Variants in ZSCAN29 observed in about 807,000 individuals in gnomAD.
The protein encoded by ZSCAN29 is zinc finger and SCAN domain-containing protein 29.
A neutral mutation model predicts 71.9 loss-of-function variants in ZSCAN29; 55 were observed. The observed-to-expected ratio is 0.76, with a 90% CI of 0.62 to 0.96. The LOEUF (loss-of-function observed/expected upper bound fraction) is 0.96, where lower values mean the gene tolerates loss of function less well. ZSCAN29 is among the 40% of genes least tolerant of loss of function. The pLI is 0.00. For missense variants in ZSCAN29, 1,042 were observed against 1,042.2 expected (o/e 1.00, Z 0.00); for synonymous variants, 351 against 371.6 (o/e 0.94, Z 0.64).
At chr15:43,362,063 C>A in intron 5 of ZSCAN29, 122 bp from the exon 6 acceptor site, 1 of 911,148 alleles carries the variant, frequency 1.1e-6, no homozygotes, top group East Asian at 2.6e-5. Flanking sequence ...CCCTAGATCC[C>A]AAATAACTAC....
In ZSCAN29 at chr15:43,361,307, A is replaced by G; in HGVS notation, c.2325T>C (p.Ser775=). ...EECGKSFNNS[S]HFSAHRRIHT... The stretch of plus-strand genomic sequence containing the variant: ...GTATCCTCCGATGTGCACTAAAATG[A>G]GAACTGTTATTGAAGCTTTTTCCAC... Residue 775 remains serine, a synonymous_variant, in exon 6 of 6, where the codon TCT becomes TCC. Transcript: ENST00000684362. The G allele has an allele frequency of 6.2e-7, 1 of 1,614,102 alleles. No homozygotes were observed. The highest frequency in any genetic ancestry group is 2.2e-5 in the East Asian group (1 of 44,876).
rs542634391 is a variant in ZSCAN29, at chr15:43,361,826, A to G, written c.1806T>C (p.His602=). ...AGTCACTCTCATTGCCTTTACCCTG[A>G]TGAAGATACCGGGGAATTTTCCTTT... ...RSERKIPRYL[H]QGKGNESDCR... The change falls in exon 6 of 6, where the codon CAT becomes CAC. Residue 602 remains histidine, a synonymous_variant. Transcript: ENST00000684362. The G allele has an allele frequency of 3.0e-5, 49 of 1,614,062 alleles. No individual in the cohort carries two copies. Among genetic ancestry groups the G allele is most frequent in the Non-Finnish European group, 3.8e-5 (45 of 1,180,044 alleles).
chr15:43,359,295 T>C lies in ZSCAN29; in HGVS notation c.*1778A>G, dbSNP rs1269455853. On this transcript the variant is annotated 3_prime_UTR_variant, in exon 6 of 6. Coordinates refer to ENST00000684362, the MANE Select transcript of ZSCAN29 (RefSeq NM_001372080.1). ...GCAACTATGCATGTGCACTTGTTTG[T>C]CCATGTCAGTGTCATCTGCTTTAGA... is the stretch of plus-strand genomic sequence containing the variant. 1.3e-5 allele frequency: 2 copies of C among 152,234 alleles called. No homozygotes were observed. The highest frequency in any genetic ancestry group is 2.4e-5 in the African/African-American group (1 of 41,462). 9.4% of individuals were successfully genotyped at this position (152,234 alleles called of 1,614,324 possible).
rs997717739 is a variant in ZSCAN29, at chr15:43,363,897, A to G, written c.1690+18T>C. On this transcript the variant is annotated intron_variant, in intron 5 of 5. Coordinates refer to ENST00000684362, the MANE Select transcript of ZSCAN29 (RefSeq NM_001372080.1). ...TCTTCCCTTTGTTATTTATACCATA[A>G]TAGTGAAATAATCTTACCACGGGGG... The G allele has an allele frequency of 1.2e-5, 18 of 1,562,360 alleles. No individual in the cohort carries two copies. The highest frequency in any genetic ancestry group is 1.9e-5 in the Admixed American group (1 of 52,504).
Position 43,359,299 on chromosome 15 carries a change from T to A in ZSCAN29, c.*1774A>T, listed in dbSNP as rs1017473680. On this transcript the variant is annotated 3_prime_UTR_variant, in exon 6 of 6. Transcript: ENST00000684362. Reference sequence around the variant, plus strand: ...CTATGCATGTGCACTTGTTTGTCCATGTCAGTGTCATCTGCTTTAGATTGT... The same window carrying A: ...CTATGCATGTGCACTTGTTTGTCCAAGTCAGTGTCATCTGCTTTAGATTGT... 6.6e-6 allele frequency: 1 copy of A among 152,272 alleles called. No homozygotes were observed. Among genetic ancestry groups the A allele is most frequent in the African/African-American group, 2.4e-5 (1 of 41,480 alleles). 9.4% of individuals were successfully genotyped at this position (152,272 alleles called of 1,614,324 possible). A position where few individuals can be genotyped will look rare whatever the true frequency, so the allele number is the denominator to read the frequency against.
Position 43,366,150 on chromosome 15 carries a change from G to A in ZSCAN29, c.1182C>T (p.Asp394=), listed in dbSNP as rs916804801. ...ACACAACAGGTGCAGCTGAGTTGGG[G>A]TCCTGGGGGGTCGCCTCTAGATCCA... is the stretch of plus-strand genomic sequence containing the variant. ...DDMDLEATPQ[D]PNSAAPVVFR... is the part of the protein sequence containing the mutation. Residue 394 remains aspartate (D), a synonymous_variant, in exon 4 of 6, where the codon GAC becomes GAT. Coordinates refer to ENST00000684362, the MANE Select transcript of ZSCAN29 (RefSeq NM_001372080.1). The A allele has an allele frequency of 1.9e-6, 3 of 1,613,970 alleles. No homozygotes were observed. Among genetic ancestry groups the A allele is most frequent in the Non-Finnish European group, 2.5e-6 (3 of 1,179,970 alleles).
Position 43,361,604 on chromosome 15 carries a change from A to G in ZSCAN29, c.2028T>C (p.Asn676=). Residue 676 remains asparagine, a synonymous_variant, in exon 6 of 6, where the codon AAT becomes AAC. Transcript: ENST00000684362. ...LMHQVSHQVE[N]PYKCADCGKS... ...TCCCACAATCAGCACATTTATATGG[A>G]TTTTCCACCTGGTGGGATACCTGAT... 6.2e-7 allele frequency: 1 copy of G among 1,614,164 alleles called. No individual in the cohort carries two copies. Among genetic ancestry groups the G allele is most frequent in the Non-Finnish European group, 8.5e-7 (1 of 1,180,030 alleles).
At chr15:43,364,952 CAT>C (rs1364717354) in intron 4 of ZSCAN29, among the ~76,000 whole-genome samples, 7 of 147,004 alleles carry the variant, frequency 4.8e-5, no homozygotes, top group Non-Finnish European at 1.0e-4. Flanking sequence ...ACATTGAGCA[CAT>C]GTGCCACATT....
rs532183967 is a variant in ZSCAN29 at position 43,363,885 on chromosome 15, AT to A, written c.1690+29del. On this transcript the variant is annotated intron_variant, in intron 5 of 5. Transcript: ENST00000684362. ...TAAGTCCCATTGTCTTCCCTTTGTTATTTATACCATAATAGTGAAATAATCT... is the reference window on the plus strand; with the variant it reads ...TAAGTCCCATTGTCTTCCCTTTGTTATTATACCATAATAGTGAAATAATCT... 3.5e-4 allele frequency: 535 copies of A among 1,538,742 alleles called. 9 individuals are homozygous for A. The South Asian group carries it at 6.3e-3, about 18-fold the overall frequency.
intron 5 of ZSCAN29, 83 bp from the exon 6 acceptor site, chr15:43,362,024 AT>A: frequency 7.2e-7 from 1 of 1,379,482 alleles, no homozygotes; most frequent in Non-Finnish European, 9.8e-7. Flanking sequence ...AAAAACAAGC[AT>A]TACACCACAT....
intron 4 of ZSCAN29, among the ~76,000 whole-genome samples, chr15:43,364,855 A>G (rs1433260876): frequency 1.4e-5 from 2 of 145,172 alleles, no homozygotes; most frequent in African/African-American, 5.1e-5. Context: ...AGATCACACC[A>G]CTGCACTCCA....
chr15:43,361,475 T>G lies in ZSCAN29; in HGVS notation c.2157A>C (p.Ser719=), dbSNP rs1566881778. The stretch of plus-strand genomic sequence containing the variant: ...GGATTCTCCTATGGGTGATGAAATT[T>G]GAACTGTCACGGAAACTTTTTCCAC... The part of the protein sequence containing the change: ...LDCGKSFRDS[S]NFITHRRIHT... The change falls in exon 6 of 6, where the codon TCA becomes TCC. Residue 719 remains serine (S), a synonymous_variant. Transcript: ENST00000684362. 1 of 1,613,602 alleles carries G rather than the reference T, an allele frequency of 6.2e-7. No homozygotes were observed. Among genetic ancestry groups the G allele is most frequent in the Admixed American group, 1.7e-5 (1 of 60,010 alleles).
rs2043956410 is a variant in ZSCAN29 at position 43,358,873 on chromosome 15, C to A, written c.*2200G>T. On this transcript the variant is annotated 3_prime_UTR_variant, in exon 6 of 6. Coordinates refer to ENST00000684362, the MANE Select transcript of ZSCAN29 (RefSeq NM_001372080.1). The stretch of plus-strand genomic sequence containing the variant: ...TGGTTCTACCACCTCATGGTCTGCT[C>A]CTAACACCCATGTTTCAGCTAAGGT... 3 of 152,256 alleles carry A rather than the reference C, an allele frequency of 2.0e-5. No homozygotes were observed. The highest frequency in any genetic ancestry group is 7.2e-5 in the African/African-American group (3 of 41,468). The allele number at this position is 152,256 out of a possible 1,614,324, so 9.4% of individuals were successfully genotyped here.
rs547085042 is a variant in ZSCAN29 at position 43,358,766 on chromosome 15, C to G, written c.*2307G>C. 1 of 152,212 alleles carries G rather than the reference C, an allele frequency of 6.6e-6. No homozygotes were observed. 9.4% of individuals were successfully genotyped at this position (152,212 alleles called of 1,614,324 possible). ...TTTATCTCCCATAGGAGCTAGTCCCCTAAAACTGCTTATTCTTTCAGTGGC... is the reference window on the plus strand; with the variant it reads ...TTTATCTCCCATAGGAGCTAGTCCCGTAAAACTGCTTATTCTTTCAGTGGC... On this transcript the variant is annotated 3_prime_UTR_variant, in exon 6 of 6. Transcript: ENST00000684362.
In ZSCAN29 at chr15:43,361,071, G is replaced by T; in HGVS notation, c.*2C>A. The T allele has an allele frequency of 6.3e-7, 1 of 1,587,780 alleles. No homozygotes were observed. The highest frequency in any genetic ancestry group is 8.6e-7 in the Non-Finnish European group (1 of 1,164,544). On this transcript the variant is annotated 3_prime_UTR_variant, in exon 6 of 6. Transcript: ENST00000684362. ...CTCTTTCCGTTATATATCCTCAGGGGCTTACTTGGGAGCTGACTGTGTCAG... is the reference window on the plus strand; with the variant it reads ...CTCTTTCCGTTATATATCCTCAGGGTCTTACTTGGGAGCTGACTGTGTCAG...
At chr15:43,367,019 A>G (rs150835553) in intron 3 of ZSCAN29, among the ~76,000 whole-genome samples, 18 of 151,736 alleles carry the variant, frequency 1.2e-4, no homozygotes, top group African/African-American at 4.4e-4. Context: ...GCAGGGTGAC[A>G]AGAGAGGAAA....
chr15:43,363,722 G>C, intron 5 of ZSCAN29, 193 bp downstream of exon 5: 1 of 551,636 alleles, frequency 1.8e-6, no homozygotes, highest in Non-Finnish European at 3.2e-6. Flanking sequence ...TGATGCTCTA[G>C]TGTGGGAAGT....
At position 43,366,605 on chromosome 15, in the gene ZSCAN29, CCTT is replaced by C. The variant is rs747582611; in HGVS notation, c.724_726del (p.Lys242del). ...TCATAGCCCCAGTGCACACCTGCCA[CCTT>C]CTCATCTTCAAAGCTCCAGTGATCC... On this transcript the variant is annotated inframe_deletion, in exon 4 of 6. Transcript: ENST00000684362. 1.9e-6 allele frequency: 3 copies of C among 1,614,130 alleles called. No homozygotes were observed. Among genetic ancestry groups the C allele is most frequent in the Non-Finnish European group, 2.5e-6 (3 of 1,180,056 alleles).
intron 3 of ZSCAN29, among the ~76,000 whole-genome samples, chr15:43,367,204 A>C (rs1409686736): frequency 6.6e-6 from 1 of 152,190 alleles, no homozygotes; most frequent in African/African-American, 2.4e-5. Context: ...TTTCCTTCAC[A>C]GTCAGTCACC....
Sources: gnomAD v4.1 joint callset for allele counts (sites outside exome capture counted in the v4.1 genomes callset) on GRCh38, gnomAD v4.1.1 for gene constraint, MANE v1.5 for transcripts, NCBI Gene and HGNC (gene_info 2026-07-23, HGNC 2026-07-21) for gene names.